Variants in BNC2 observed in about 807,000 individuals in gnomAD.
BNC2 encodes the protein basonuclin zinc finger protein 2.
BNC2 carries 20 observed loss-of-function variants against 76.3 expected under a neutral mutation model. The observed-to-expected ratio is 0.26, with a 90% CI of 0.18 to 0.38. The LOEUF (loss-of-function observed/expected upper bound fraction) is 0.38. Among genes scored for constraint, BNC2 ranks in the 10% least tolerant of loss-of-function variants. BNC2 has a pLI of 1.00. For missense variants in BNC2, 1,382 were observed against 1,399.8 expected, an observed-to-expected ratio of 0.99 and a Z score of 0.20; for synonymous variants, 582 against 514.8, an observed-to-expected ratio of 1.13 and a Z score of -1.77.
At chr9:16,621,770 G>A (rs1820873971) in intron 3 of BNC2, among the ~76,000 whole-genome samples, 2 of 152,074 alleles carry the variant, frequency 1.3e-5, no homozygotes, top group Admixed American at 6.6e-5. Flanking sequence ...TGTGCTGAAA[G>A]TGTAAAATAC....
intron 1 of BNC2, among the ~76,000 whole-genome samples, chr9:16,745,869 TCAGTAA>T (rs1181536064): frequency 6.6e-6 from 1 of 152,230 alleles, no homozygotes; most frequent in Non-Finnish European, 1.5e-5. Flanking sequence ...AGCTATTTTT[TCAGTAA>T]CAGTGGTTCT....
At chr9:16,570,477 G>A (rs1819292198) in intron 4 of BNC2, among the ~76,000 whole-genome samples, 1 of 152,120 alleles carries the variant, frequency 6.6e-6, no homozygotes. Context: ...CTTCTGGACT[G>A]CTGGATTTGC....
chr9:16,868,843 T>C (rs1479072374), intron 1 of BNC2, among the ~76,000 whole-genome samples: 3 of 152,178 alleles, frequency 2.0e-5, no homozygotes, highest in African/African-American at 4.8e-5. Context: ...TGTTAACTTG[T>C]ACAAGGTCTC....
At chr9:16,754,144 T>C (rs1825306936) in intron 1 of BNC2, among the ~76,000 whole-genome samples, 2 of 152,350 alleles carry the variant, frequency 1.3e-5, no homozygotes, top group South Asian at 4.1e-4. Flanking sequence ...ACTGGTGGTC[T>C]ACAGAATATT....
intron 4 of BNC2, among the ~76,000 whole-genome samples, chr9:16,563,125 T>C (rs10756762): frequency 0.32 from 48,807 of 152,068 alleles, 9,503 homozygotes; most frequent in East Asian, 0.68. Context: ...GACCATATCA[T>C]TGGATTTGCA....
intron 1 of BNC2, among the ~76,000 whole-genome samples, chr9:16,835,327 C>G (rs1204090222): frequency 6.6e-6 from 1 of 152,184 alleles, no homozygotes; most frequent in African/African-American, 2.4e-5. Flanking sequence ...ATTCTCACCA[C>G]TACAACCCCA....
chr9:16,619,256 A>T (rs777748997), intron 3 of BNC2, among the ~76,000 whole-genome samples: 1 of 152,210 alleles, frequency 6.6e-6, no homozygotes, highest in Non-Finnish European at 1.5e-5. Context: ...TCTCAAGAAT[A>T]CGAAAGAAGG....
At chr9:16,453,727 G>A (rs1030288920) in intron 5 of BNC2, among the ~76,000 whole-genome samples, 3 of 152,266 alleles carry the variant, frequency 2.0e-5, no homozygotes, top group Admixed American at 2.0e-4. Context: ...TGAGGCAGGA[G>A]AACTGCTTGA....
chr9:16,496,751 A>G (rs1447054152), intron 5 of BNC2, among the ~76,000 whole-genome samples: 3 of 152,230 alleles, frequency 2.0e-5, no homozygotes, highest in African/African-American at 7.2e-5. Context: ...GATGATCTCA[A>G]CAATCAAAAT....
chr9:16,854,892 G>A lies in BNC2; in HGVS notation c.3+15754C>T, dbSNP rs1369142999. 4.6e-5 allele frequency among the ~76,000 whole-genome samples: 7 copies of A among 151,962 alleles called. No homozygotes were observed. In the East Asian group the frequency reaches 9.7e-4, roughly 21 times the overall value. ...AGGAAAGGAGTCCAAAGTGTGCACC[G>A]TGAACATCACAGGTCACTGGAAAGA... On this transcript the variant is annotated intron_variant, in intron 1 of 6. Coordinates refer to ENST00000380672, the MANE Select transcript of BNC2 (RefSeq NM_017637.6).
intron 1 of BNC2, among the ~76,000 whole-genome samples, chr9:16,746,222 C>T (rs1006523367): frequency 3.9e-5 from 6 of 152,086 alleles, no homozygotes; most frequent in African/African-American, 1.2e-4. Flanking sequence ...TTACTCTTTG[C>T]GACTTGTGAG....
At chr9:16,521,183 G>C (rs1817607499) in intron 5 of BNC2, among the ~76,000 whole-genome samples, 1 of 152,186 alleles carries the variant, frequency 6.6e-6, no homozygotes, top group South Asian at 2.1e-4. Flanking sequence ...AGATATGACA[G>C]ATGTGGCCGA....
At chr9:16,658,304 G>A (rs1821991411) in intron 3 of BNC2, among the ~76,000 whole-genome samples, 1 of 151,992 alleles carries the variant, frequency 6.6e-6, no homozygotes, top group Admixed American at 6.6e-5. Context: ...TGGAGAATTT[G>A]GAGTCAGGGG....
In BNC2 at chr9:16,441,285, C is replaced by T. The variant is rs541191991; in HGVS notation, c.670-3761G>A. Among the ~76,000 whole-genome samples, 4 of 152,298 alleles carry T rather than the reference C, an allele frequency of 2.6e-5. No homozygotes were observed. In the South Asian group the frequency reaches 6.2e-4, roughly 24 times the overall value. On this transcript the variant is annotated intron_variant, in intron 5 of 6. Transcript: ENST00000380672. ...TGCCACTGCACTCCAGCCTGAGCAA[C>T]AGAGCAAGACTGTCTCAAAAACCAA...
chr9:16,559,793 A>G (rs1025707989), intron 4 of BNC2, among the ~76,000 whole-genome samples: 3 of 152,224 alleles, frequency 2.0e-5, no homozygotes, highest in African/African-American at 7.2e-5. Flanking sequence ...ATTCATGCAT[A>G]CATTCATTTA....
intron 5 of BNC2, among the ~76,000 whole-genome samples, chr9:16,463,629 T>C (rs1821637794): frequency 6.6e-6 from 1 of 152,144 alleles, no homozygotes; most frequent in Non-Finnish European, 1.5e-5. Context: ...ATGAAGGGTA[T>C]ACTTGATGCT....
intron 3 of BNC2, among the ~76,000 whole-genome samples, chr9:16,598,040 ATATAC>A (rs1313986072): frequency 6.6e-6 from 1 of 152,146 alleles, no homozygotes; most frequent in Admixed American, 6.5e-5. Context: ...AGTAAGAACC[ATATAC>A]TGTAATATTC....
At chr9:16,657,060 CTTAG>C (rs1404834654) in intron 3 of BNC2, among the ~76,000 whole-genome samples, 1 of 152,096 alleles carries the variant, frequency 6.6e-6, no homozygotes, top group Admixed American at 6.6e-5. Flanking sequence ...TTCTGACTGG[CTTAG>C]TTTTGAAGTG....
At chr9:16,683,568 T>C (rs1822887015) in intron 3 of BNC2, among the ~76,000 whole-genome samples, 1 of 152,096 alleles carries the variant, frequency 6.6e-6, no homozygotes, top group African/African-American at 2.4e-5. Flanking sequence ...AAAGCTATGC[T>C]GAACAATAAG....
Sources: allele counts gnomAD v4.1 joint callset (sites outside exome capture counted in the v4.1 genomes callset), GRCh38; gene constraint gnomAD v4.1.1; transcripts MANE v1.5; gene names NCBI Gene and HGNC (gene_info 2026-07-23, HGNC 2026-07-21).